The following SLC9C2 variants were observed in gnomAD, a reference collection of about 807,000 sequenced individuals.
SLC9C2 encodes sodium/hydrogen exchanger 11.
In SLC9C2, 75 loss-of-function variants were observed where a neutral mutation model predicts 140.2. The observed-to-expected ratio is 0.53, with a 90% CI of 0.44 to 0.65. The LOEUF is 0.65. SLC9C2 is among the 30% of genes least tolerant of loss of function. The pLI, the probability that SLC9C2 is intolerant of heterozygous loss-of-function variation, is 0.00. For missense variants in SLC9C2, 1,074 were observed against 1,331.8 expected (o/e 0.81, Z 3.01); for synonymous variants, 375 against 420.9 (o/e 0.89, Z 1.34).
chr1:173,569,925 C>T (rs1664736562), intron 9 of SLC9C2, among the ~76,000 whole-genome samples: 1 of 152,182 alleles, frequency 6.6e-6, no homozygotes, highest in Non-Finnish European at 1.5e-5. Context: ...GGCAGGAAAG[C>T]CTCTCCCTAT....
intron 9 of SLC9C2, among the ~76,000 whole-genome samples, chr1:173,562,041 G>A (rs1006010078): frequency 1.3e-5 from 2 of 152,042 alleles, no homozygotes; most frequent in African/African-American, 4.8e-5. Flanking sequence ...ATTTTTTTGA[G>A]TACTAAAAAT....
chr1:173,509,786 C>A, intron 23 of SLC9C2, 87 bp from the exon 24 acceptor site: 4 of 1,357,598 alleles, frequency 2.9e-6, no homozygotes, highest in Non-Finnish European at 4.0e-6. Context: ...GCAGATTTAA[C>A]CTTCAGAAAA....
chr1:173,555,940 T>C (rs2422433), intron 10 of SLC9C2, among the ~76,000 whole-genome samples: 34,975 of 152,108 alleles, frequency 0.23, 4,811 homozygotes, highest in East Asian at 0.64. Context: ...GAGAGGTCAA[T>C]AGTTGCTCCC....
At chr1:173,548,962 C>G (rs1031779796) in intron 11 of SLC9C2, among the ~76,000 whole-genome samples, 4 of 152,176 alleles carry the variant, frequency 2.6e-5, no homozygotes, top group African/African-American at 9.7e-5. Context: ...AACAAGTTCT[C>G]TCATTGTTTC....
intron 1 of SLC9C2, 94 bp from the exon 2 acceptor site, chr1:173,601,949 T>A: frequency 1.4e-6 from 1 of 731,464 alleles, no homozygotes; most frequent in Non-Finnish European, 2.2e-6. Context: ...GATCTGAACA[T>A]GTCTCTTCTT....
chr1:173,514,632 C>T (rs1660292784), intron 23 of SLC9C2, among the ~76,000 whole-genome samples: 1 of 152,134 alleles, frequency 6.6e-6, no homozygotes, highest in Non-Finnish European at 1.5e-5. Flanking sequence ...GGGCATTTAG[C>T]CCATTTACAT....
At chr1:173,521,477 C>CTATATATA (rs146332693) in intron 21 of SLC9C2, 78 bp from the exon 22 acceptor site, 11,422 of 253,088 alleles carry the variant, frequency 0.045, 287 homozygotes, top group Non-Finnish European at 0.051. Context: ...TAAATATTTT[C>CTATATATA]TATATATATA....
At chr1:173,504,368 A>T (rs943451892) in intron 26 of SLC9C2, among the ~76,000 whole-genome samples, 23 of 152,330 alleles carry the variant, frequency 1.5e-4, no homozygotes, top group African/African-American at 5.1e-4. Context: ...CACAGTACCC[A>T]GCACACAGCG....
At chr1:173,520,020 A>C (rs1660695754) in intron 22 of SLC9C2, among the ~76,000 whole-genome samples, 1 of 152,032 alleles carries the variant, frequency 6.6e-6, no homozygotes, top group South Asian at 2.1e-4. Context: ...CGTGCCTGTA[A>C]TCCTGTAATC....
intron 8 of SLC9C2, among the ~76,000 whole-genome samples, chr1:173,576,089 T>G (rs781172190): frequency 6.6e-6 from 1 of 152,218 alleles, no homozygotes; most frequent in Non-Finnish European, 1.5e-5. Flanking sequence ...TTTCATCTGA[T>G]GTGGGAATTT....
intron 9 of SLC9C2, among the ~76,000 whole-genome samples, chr1:173,561,306 G>A (rs958202682): frequency 1.3e-5 from 2 of 152,300 alleles, no homozygotes; most frequent in South Asian, 4.1e-4. Flanking sequence ...ATGTGGGGTT[G>A]CTGTTTGCCT....
intron 13 of SLC9C2, among the ~76,000 whole-genome samples, chr1:173,546,282 C>A (rs1220525026): frequency 6.6e-6 from 1 of 152,162 alleles, no homozygotes; most frequent in Non-Finnish European, 1.5e-5. Context: ...CCTGTAATCC[C>A]AGTGCTTTGG....
At chr1:173,512,502 T>C (rs1043359161) in intron 23 of SLC9C2, among the ~76,000 whole-genome samples, 1 of 152,226 alleles carries the variant, frequency 6.6e-6, no homozygotes, top group Admixed American at 6.5e-5. Flanking sequence ...ATGTTGATTT[T>C]GTATCCTGAG....
chr1:173,572,777 C>T (rs180742395), intron 9 of SLC9C2, among the ~76,000 whole-genome samples: 2 of 152,214 alleles, frequency 1.3e-5, no homozygotes, highest in Admixed American at 6.5e-5. Flanking sequence ...TAGCTATTGA[C>T]GATAATAAAT....
chr1:173,562,763 A>G (rs1664198451), intron 9 of SLC9C2, among the ~76,000 whole-genome samples: 1 of 152,228 alleles, frequency 6.6e-6, no homozygotes, highest in Non-Finnish European at 1.5e-5. Flanking sequence ...GTGGAATACA[A>G]ACATTTATAA....
At chr1:173,511,827 T>C (rs1660077576) in intron 23 of SLC9C2, among the ~76,000 whole-genome samples, 1 of 152,228 alleles carries the variant, frequency 6.6e-6, no homozygotes, top group Admixed American at 6.5e-5. Context: ...TTAATTTACG[T>C]ATAAGGTGTA....
At chr1:173,520,943 A>T (rs1292339121) in intron 22 of SLC9C2, among the ~76,000 whole-genome samples, 1 of 152,138 alleles carries the variant, frequency 6.6e-6, no homozygotes, top group East Asian at 1.9e-4. Flanking sequence ...TCTCTGGTCA[A>T]CAAAAGCCTC....
At chr1:173,553,931 G>A (rs967229905) in intron 11 of SLC9C2, among the ~76,000 whole-genome samples, 3 of 152,268 alleles carry the variant, frequency 2.0e-5, no homozygotes, top group East Asian at 1.9e-4. Context: ...AAGGCTCTAC[G>A]ATAAGACTTT....
chr1:173,538,554 T>C, intron 13 of SLC9C2, among the ~76,000 whole-genome samples: 1 of 152,070 alleles, frequency 6.6e-6, no homozygotes. Flanking sequence ...GCTTATATGA[T>C]AAAACAGGAA....
Sources: gnomAD v4.1 joint callset for allele counts (sites outside exome capture counted in the v4.1 genomes callset) on GRCh38, gnomAD v4.1.1 for gene constraint, MANE v1.5 for transcripts, NCBI Gene and HGNC (gene_info 2026-07-23, HGNC 2026-07-21) for gene names.